SH2B1: variants seen among roughly 807,000 people sequenced by gnomAD.
SH2B1 encodes SH2B adaptor protein 1, also known as SH2B adapter protein 1.
A neutral mutation model predicts 62.6 loss-of-function variants in SH2B1; 15 were observed. That is an observed-to-expected ratio of 0.24 (90% CI 0.16 to 0.37). The LOEUF (loss-of-function observed/expected upper bound fraction) is 0.37. SH2B1 is among the 10% of genes least tolerant of loss of function. SH2B1 has a pLI of 1.00. For missense variants in SH2B1, 925 were observed against 1,015.6 expected (o/e 0.91, Z 1.21); for synonymous variants, 443 against 438.0 (o/e 1.01, Z -0.14).
Position 28,872,233 on chromosome 16 carries a change from C to T in SH2B1, c.1557C>T (p.Asp519=), listed in dbSNP as rs1182271684. ...GGGAGCCAGAGGGCGGTGAGGGGGA[C>T]CAGCCCCTCTCAGGGTATCCTTGGT... ...FQGEPEGGEG[D]QPLSGYPWFH... is the part of the protein sequence containing the mutation. Residue 519 remains aspartate (D), a synonymous_variant, in exon 6 of 8, where the codon GAC becomes GAT. Coordinates refer to ENST00000684370, the MANE Select transcript of SH2B1 (RefSeq NM_001387430.1). This position sits in a 1 kb window ranked among gnomAD's most constrained non-coding sequence, Gnocchi z 5.3. The T allele has an allele frequency of 6.2e-7, 1 of 1,613,858 alleles. No homozygotes were observed. Among genetic ancestry groups the T allele is most frequent in the South Asian group, 1.1e-5 (1 of 91,086 alleles).
At position 28,873,365 on chromosome 16, in the gene SH2B1, T is replaced by TG. The variant is rs1963155663; in HGVS notation, c.1898-76dup. ...GGATGTGGGGAGACAGCCACGCTCC[T>TG]GGGGGGCTGAGTGAAGGGGAGGCCA... On this transcript the variant is annotated intron_variant, in intron 7 of 7. Transcript: ENST00000684370. This position sits in a 1 kb window ranked among gnomAD's most constrained non-coding sequence, Gnocchi z 4.2. 4 of 1,582,648 alleles carry TG rather than the reference T, an allele frequency of 2.5e-6. No homozygotes were observed. The highest frequency in any genetic ancestry group is 3.4e-6 in the Non-Finnish European group (4 of 1,170,306).
At chr16:28,867,514 G>A (rs1596625112) in intron 2 of SH2B1, 82 bp downstream of exon 2, 5 of 1,011,942 alleles carry the variant, frequency 4.9e-6, no homozygotes, top group African/African-American at 1.6e-5. Context: ...TGGCGTCGCC[G>A]AAAGGAGGTA....
upstream of SH2B1, among the ~76,000 whole-genome samples, chr16:28,858,943 CA>C (rs141782037): frequency 0.36 from 37,294 of 104,394 alleles, 4,929 homozygotes; most frequent in South Asian, 0.66. Context: ...GACTGTTTCT[CA>C]AAAAAAAAAA....
In SH2B1 at chr16:28,866,057, C is replaced by T. The variant is rs1219880140; in HGVS notation, c.-38C>T. The T allele has an allele frequency of 6.6e-7, 1 of 1,508,218 alleles. No individual in the cohort carries two copies. 93.4% of individuals were successfully genotyped at this position (1,508,218 alleles called of 1,614,324 possible). Reference sequence around the variant, plus strand: ...TCTTCTGGCTGCCTCCCTCTTTGTGCCCCACAGGCTCCCCCTCTCCACCTC... The same window carrying T: ...TCTTCTGGCTGCCTCCCTCTTTGTGTCCCACAGGCTCCCCCTCTCCACCTC... On this transcript the variant is annotated 5_prime_UTR_variant, in exon 1 of 8. Transcript: ENST00000684370. This position sits in a 1 kb window ranked among gnomAD's most constrained non-coding sequence, Gnocchi z 6.3.
chr16:28,853,190 G>T (rs1470927721), intron 1 of SH2B1, among the ~76,000 whole-genome samples: 1 of 132,430 alleles, frequency 7.6e-6, no homozygotes. Context: ...TTTGGGTACG[G>T]AGTCTTGCTC....
chr16:28,863,893 A>AGCCGCCGCCGCCGCCGCC lies in SH2B1; in HGVS notation c.-2194_-2177dup. On this transcript the variant is annotated 5_prime_UTR_variant, in exon 1 of 8. Coordinates refer to ENST00000684370, the MANE Select transcript of SH2B1 (RefSeq NM_001387430.1). The stretch of plus-strand genomic sequence containing the variant: ...AGTGGGTGGGGGCGCAGGGAGCGGG[A>AGCCGCCGCCGCCGCCGCC]GCCGCCGCCGCCGCCGCCGCCGCCG... 1 of 1,494,088 alleles carries AGCCGCCGCCGCCGCCGCC rather than the reference A, an allele frequency of 6.7e-7. No individual in the cohort carries two copies. The highest frequency in any genetic ancestry group is 1.3e-5 in the South Asian group (1 of 79,986). The allele number at this position is 1,494,088 out of a possible 1,614,324, so 92.6% of individuals were successfully genotyped here.
At chr16:28,863,781 C>T (rs1399762573), upstream of SH2B1, 7 of 1,535,556 alleles carry the variant, frequency 4.6e-6, no homozygotes, top group African/African-American at 2.7e-5. Context: ...CCTTCCCTCC[C>T]GCCGCTGTTC....
intron 1 of SH2B1, among the ~76,000 whole-genome samples, chr16:28,852,540 T>TG (rs1962160784): frequency 2.9e-5 from 1 of 35,060 alleles, no homozygotes; most frequent in African/African-American, 2.2e-4. Context: ...ACACATATAT[T>TG]TATATATATA....
In SH2B1 at chr16:28,869,302, T is replaced by G. The variant is rs761723468; in HGVS notation, c.1228T>G (p.Ser410Ala). Reference sequence around the variant, plus strand: ...GGAGAACACAGACAGCCTGGAGCTGTCCTGCCTGAATCACTCGGAGAGTCT... The same window carrying G: ...GGAGAACACAGACAGCCTGGAGCTGGCCTGCCTGAATCACTCGGAGAGTCT... ...TRENTDSLEL[S>A]CLNHSESLPS... is the part of the protein sequence containing the mutation. Residue 410 changes from serine (S) to alanine (A), a missense_variant, in exon 4 of 8, where the codon TCC becomes GCC. Ser to Ala is a moderately conservative substitution (Grantham distance 99). Transcript: ENST00000684370. 1 of 1,614,072 alleles carries G rather than the reference T, an allele frequency of 6.2e-7. No homozygotes were observed. Among genetic ancestry groups the G allele is most frequent in the Non-Finnish European group, 8.5e-7 (1 of 1,180,000 alleles).
chr16:28,861,598 A>C (rs899717522), upstream of SH2B1: 1 of 150,012 alleles, frequency 6.7e-6, no homozygotes, highest in South Asian at 2.1e-4. Context: ...ACGCCTGGCT[A>C]ATTTTTTTTG....
At chr16:28,858,030 C>T (rs376413756) in intron 1 of SH2B1, among the ~76,000 whole-genome samples, 3 of 152,070 alleles carry the variant, frequency 2.0e-5, no homozygotes, top group South Asian at 4.1e-4. Flanking sequence ...TGAGCCACCG[C>T]GCCCGGCCAG....
At chr16:28,850,964 A>G (rs1426142350) in intron 1 of SH2B1, among the ~76,000 whole-genome samples, 2 of 151,556 alleles carry the variant, frequency 1.3e-5, no homozygotes, top group Admixed American at 6.6e-5. Context: ...CACGAGGTCA[A>G]GAGATTGAGA....
rs758967186 is a variant in SH2B1 at position 28,874,141 on chromosome 16, GGTTGTT to G, written c.*331_*336del. 1 of 295,070 alleles carries G rather than the reference GGTTGTT, an allele frequency of 3.4e-6. No individual in the cohort carries two copies. Among genetic ancestry groups the G allele is most frequent in the African/African-American group, 2.2e-5 (1 of 46,394 alleles). The allele number at this position is 295,070 out of a possible 1,614,324, so 18.3% of individuals were successfully genotyped here. A position where few individuals can be genotyped will look rare whatever the true frequency, so the allele number is the denominator to read the frequency against. On this transcript the variant is annotated 3_prime_UTR_variant, in exon 8 of 8. Coordinates refer to ENST00000684370, the MANE Select transcript of SH2B1 (RefSeq NM_001387430.1). Reference sequence around the variant, plus strand: ...GAAGGGCTGTCAGTTACATTAAGGTGGTTGTTGTTGTTGTTTTAAACAAAATGGAGA... The same window carrying G: ...GAAGGGCTGTCAGTTACATTAAGGTGGTTGTTGTTTTAAACAAAATGGAGA...
chr16:28,862,733 G>C (rs1363528062), upstream of SH2B1: 2 of 107,380 alleles, frequency 1.9e-5, no homozygotes, highest in Non-Finnish European at 3.8e-5. Context: ...CTCCTGCCTC[G>C]GTCTCCCAAG....
At chr16:28,849,953 A>G (rs1056225829) in intron 1 of SH2B1, among the ~76,000 whole-genome samples, 25 of 152,096 alleles carry the variant, frequency 1.6e-4, no homozygotes, top group Non-Finnish European at 2.1e-4. Flanking sequence ...TATGTGTGGT[A>G]TGAATATATG....
upstream of SH2B1, chr16:28,862,023 A>AT (rs1411618663): frequency 6.6e-6 from 1 of 152,176 alleles, no homozygotes; most frequent in Non-Finnish European, 1.5e-5. Flanking sequence ...CAGGTTCCTG[A>AT]TATCTTCTGG....
Position 28,863,902 on chromosome 16 carries a change from C to CGGA in SH2B1, c.-2192_-2191insGAG. 1.7e-6 allele frequency: 1 copy of CGGA among 601,060 alleles called. No homozygotes were observed. Among genetic ancestry groups the CGGA allele is most frequent in the Non-Finnish European group, 2.4e-6 (1 of 412,904 alleles). The allele number at this position is 601,060 out of a possible 1,614,324, so 37.2% of individuals were successfully genotyped here. On this transcript the variant is annotated 5_prime_UTR_variant, in exon 1 of 8. Coordinates refer to ENST00000684370, the MANE Select transcript of SH2B1 (RefSeq NM_001387430.1). ...GGGCGCAGGGAGCGGGAGCCGCCGC[C>CGGA]GCCGCCGCCGCCGCCGGAGCTAACC... is the stretch of plus-strand genomic sequence containing the variant.
Position 28,869,745 on chromosome 16 carries a change from T to G in SH2B1, c.1309+362T>G, listed in dbSNP as rs8051977. 0.01 allele frequency among the ~76,000 whole-genome samples: 1,582 copies of G among 152,332 alleles called. 58 individuals carry two copies. In the East Asian group the frequency reaches 0.16, roughly 15 times the overall value. On this transcript the variant is annotated intron_variant, in intron 4 of 7. Transcript: ENST00000684370. Reference sequence around the variant, plus strand: ...GTTTTGTTCTTACTCTGCATCTCTGTGTCTGTCAGGGGCAATCACGTTTTC... The same window carrying G: ...GTTTTGTTCTTACTCTGCATCTCTGGGTCTGTCAGGGGCAATCACGTTTTC...
intron 4 of SH2B1, among the ~76,000 whole-genome samples, chr16:28,871,304 C>T (rs189322401): frequency 1.3e-4 from 20 of 152,248 alleles, no homozygotes; most frequent in African/African-American, 4.6e-4. Flanking sequence ...AGGTGTGAGC[C>T]ACTGCGCCTG....
Sources: allele counts gnomAD v4.1 joint callset (sites outside exome capture counted in the v4.1 genomes callset), GRCh38; gene constraint gnomAD v4.1.1; non-coding constraint Gnocchi (gnomAD v3.1); transcripts MANE v1.5; gene names NCBI Gene and HGNC (gene_info 2026-07-23, HGNC 2026-07-21).